Variants in EPS15L1 observed in about 807,000 individuals in gnomAD.
EPS15L1 encodes the protein epidermal growth factor receptor pathway substrate 15 like 1.
Under a neutral mutation model 117.1 loss-of-function variants are expected in EPS15L1, and 43 were observed. The observed-to-expected ratio is 0.37, with a 90% CI of 0.29 to 0.47. The LOEUF is 0.47. Ranked by LOEUF, EPS15L1 falls within the 20% of genes least tolerant of loss-of-function variation. The probability of loss-of-function intolerance (pLI) is 0.99; values close to 1 mark genes in which losing one functional copy is unlikely to be tolerated. For missense variants in EPS15L1, 981 were observed against 1,164.0 expected, an observed-to-expected ratio of 0.84 and a Z score of 2.29; for synonymous variants, 459 against 470.5, an observed-to-expected ratio of 0.98 and a Z score of 0.32.
At chr19:16,373,806 G>C (rs2092258100) in intron 22 of EPS15L1, among the ~76,000 whole-genome samples, 3 of 152,200 alleles carry the variant, frequency 2.0e-5, no homozygotes, top group Non-Finnish European at 4.4e-5. Context: ...CTCACCAAAG[G>C]TCAACCACTG....
intron 1 of EPS15L1, among the ~76,000 whole-genome samples, chr19:16,454,484 T>C (rs777265869): frequency 9.9e-5 from 15 of 152,194 alleles, no homozygotes; most frequent in Non-Finnish European, 1.5e-4. Context: ...TGAGCTGCTT[T>C]TGTAAATTAG....
At chr19:16,355,969 C>G in intron 23 of EPS15L1, 118 bp from the exon 24 acceptor site, 1 of 1,256,732 alleles carries the variant, frequency 8.0e-7, no homozygotes, top group Non-Finnish European at 1.1e-6. Flanking sequence ...AGCGGAGGGT[C>G]CGATGTGCAG....
chr19:16,443,745 T>C (rs182209194), intron 1 of EPS15L1, among the ~76,000 whole-genome samples: 1 of 151,256 alleles, frequency 6.6e-6, no homozygotes, highest in Admixed American at 6.6e-5. Flanking sequence ...ATGCCCGGAT[T>C]ATGGTCAGCG....
rs533456659 is a variant in EPS15L1, at chr19:16,453,574, G to A, written c.34-11355C>T. Among the ~76,000 whole-genome samples the A allele has an allele frequency of 2.2e-4, 33 of 152,192 alleles. 1 individual carries two copies. The South Asian group carries it at 5.2e-3, about 24-fold the overall frequency. ...TAAAAATACAAAAAATTAGCCCAGC[G>A]TGGTGGCAGGCGCCTGCAGTCCCAG... On this transcript the variant is annotated intron_variant, in intron 1 of 23. Coordinates refer to ENST00000455140, the MANE Select transcript of EPS15L1 (RefSeq NM_001258374.3).
rs188455423 is a variant in EPS15L1, at chr19:16,397,385, C to G, written c.1792-1918G>C. On this transcript the variant is annotated intron_variant, in intron 16 of 23. Transcript: ENST00000455140. The stretch of plus-strand genomic sequence containing the variant: ...GATTACAGGCGTGAGCCACCGCGCC[C>G]GGCTGTTTGTCTATTTTACCTGAAA... Among the ~76,000 whole-genome samples the G allele has an allele frequency of 4.6e-5, 7 of 152,182 alleles. No individual in the cohort carries two copies. In the East Asian group the frequency reaches 1.4e-3, roughly 29 times the overall value.
chr19:16,415,548 G>A (rs2092750440), intron 12 of EPS15L1, among the ~76,000 whole-genome samples: 1 of 152,186 alleles, frequency 6.6e-6, no homozygotes, highest in African/African-American at 2.4e-5. Flanking sequence ...AATACAAAGT[G>A]CTCTTTAAAC....
In EPS15L1 at chr19:16,441,165, T is replaced by A. The variant is rs1043578313; in HGVS notation, c.166-256A>T. ...GCCAATGGTGTTTATGACACCCTTC[T>A]TCCCCCAACTAAAGTCCGCAAGTGG... On this transcript the variant is annotated intron_variant, in intron 3 of 23. Coordinates refer to ENST00000455140, the MANE Select transcript of EPS15L1 (RefSeq NM_001258374.3). The A allele has an allele frequency of 1.1e-5, 6 of 524,134 alleles. No individual in the cohort carries two copies. The Admixed American group carries it at 1.9e-4, about 17-fold the overall frequency. The allele number at this position is 524,134 out of a possible 1,614,324, so 32.5% of individuals were successfully genotyped here.
chr19:16,400,709 C>T (rs1599582836), intron 16 of EPS15L1: 7 of 985,322 alleles, frequency 7.1e-6, no homozygotes, highest in South Asian at 4.7e-5. Flanking sequence ...TTCCATGTAA[C>T]GTATCTTAAT....
chr19:16,431,421 A>G (rs1176938220), intron 7 of EPS15L1, among the ~76,000 whole-genome samples: 1 of 150,814 alleles, frequency 6.6e-6, no homozygotes, highest in Non-Finnish European at 1.5e-5. Context: ...CTCCTGCCTC[A>G]GCTTCCCGAG....
intron 22 of EPS15L1, among the ~76,000 whole-genome samples, chr19:16,362,224 G>A (rs892386548): frequency 6.6e-6 from 1 of 152,158 alleles, no homozygotes; most frequent in Non-Finnish European, 1.5e-5. Context: ...CATACACAAC[G>A]CACACAGAGC....
At chr19:16,415,962 G>A (rs564791089) in intron 12 of EPS15L1, among the ~76,000 whole-genome samples, 14 of 152,146 alleles carry the variant, frequency 9.2e-5, no homozygotes, top group Non-Finnish European at 1.9e-4. Context: ...TGGATAACAC[G>A]GCCCCCAGGA....
chr19:16,420,016 G>A (rs989379475), intron 10 of EPS15L1, among the ~76,000 whole-genome samples: 4 of 152,228 alleles, frequency 2.6e-5, no homozygotes, highest in Admixed American at 6.5e-5. Flanking sequence ...CTGCTGACCC[G>A]TACGGTGGCA....
At chr19:16,369,201 A>G (rs2092185359) in intron 22 of EPS15L1, among the ~76,000 whole-genome samples, 1 of 152,158 alleles carries the variant, frequency 6.6e-6, no homozygotes, top group Non-Finnish European at 1.5e-5. Context: ...GGAGTCCTGC[A>G]GGCACCAGCC....
chr19:16,376,919 C>T (rs796367706), intron 22 of EPS15L1, among the ~76,000 whole-genome samples: 17 of 152,304 alleles, frequency 1.1e-4, no homozygotes, highest in African/African-American at 3.8e-4. Flanking sequence ...CAGGACGGGG[C>T]GAGGGCGGGC....
intron 1 of EPS15L1, among the ~76,000 whole-genome samples, chr19:16,459,145 G>A (rs113045527): frequency 6.0e-4 from 91 of 152,286 alleles, no homozygotes; most frequent in Non-Finnish European, 1.1e-3. Context: ...ATAATCTTAC[G>A]GGAGCACTGT....
intron 22 of EPS15L1, among the ~76,000 whole-genome samples, chr19:16,369,221 C>T (rs2092186048): frequency 1.3e-5 from 2 of 152,142 alleles, no homozygotes; most frequent in Non-Finnish European, 1.5e-5. Flanking sequence ...CCCGCGCGCA[C>T]TCTGCCTTAG....
chr19:16,441,095 T>C (rs2093027108), intron 3 of EPS15L1, 186 bp from the exon 4 acceptor site: 1 of 657,108 alleles, frequency 1.5e-6, no homozygotes, highest in Non-Finnish European at 2.7e-6. Flanking sequence ...GCACAGCCAG[T>C]CAGCGGCAGG....
chr19:16,460,551 C>T (rs546756342), intron 1 of EPS15L1, among the ~76,000 whole-genome samples: 16 of 152,132 alleles, frequency 1.1e-4, no homozygotes, highest in Non-Finnish European at 1.9e-4. Context: ...ACTCCATGGC[C>T]TGGTGTGAGC....
At chr19:16,434,592 TCA>T in intron 6 of EPS15L1, 102 bp from the exon 7 acceptor site, 1 of 1,262,254 alleles carries the variant, frequency 7.9e-7, no homozygotes, top group Non-Finnish European at 1.1e-6. Flanking sequence ...CACGGACCCA[TCA>T]TCACCCTTGG....
Sources: allele counts gnomAD v4.1 joint callset (sites outside exome capture counted in the v4.1 genomes callset), GRCh38; gene constraint gnomAD v4.1.1; transcripts MANE v1.5; gene names NCBI Gene and HGNC (gene_info 2026-07-23, HGNC 2026-07-21).